The following OLFML2A variants were observed in gnomAD, a reference collection of about 807,000 sequenced individuals.
The protein encoded by OLFML2A is olfactomedin-like protein 2A.
A neutral mutation model predicts 60.9 loss-of-function variants in OLFML2A; 47 were observed. That is an observed-to-expected ratio of 0.77 (90% confidence interval 0.61 to 0.98). The LOEUF (loss-of-function observed/expected upper bound fraction) is 0.98, where lower values mean the gene tolerates loss of function less well. Ranked by LOEUF, OLFML2A falls within the 50% of genes least tolerant of loss-of-function variation. The probability of loss-of-function intolerance (pLI) is 0.00; values close to 1 mark genes in which losing one functional copy is unlikely to be tolerated. For missense variants in OLFML2A, 922 were observed against 879.8 expected (o/e 1.05, Z -0.61); for synonymous variants, 372 against 375.0 (o/e 0.99, Z 0.09).
At chr9:124,794,967 G>A in intron 2 of OLFML2A, 57 bp from the exon 3 acceptor site, 1 of 1,054,994 alleles carries the variant, frequency 9.5e-7, no homozygotes, top group Non-Finnish European at 1.4e-6. Context: ...TTTACCCTCT[G>A]TGTCTGGCCG....
At chr9:124,808,768 T>C (rs914255173) in intron 7 of OLFML2A, among the ~76,000 whole-genome samples, 2 of 149,544 alleles carry the variant, frequency 1.3e-5, no homozygotes, top group Admixed American at 1.3e-4. Flanking sequence ...TGGCCTGGGG[T>C]AGGGGGGATG....
At chr9:124,795,440 AATTCTGGGGGTACC>A (rs1841650893) in intron 3 of OLFML2A, among the ~76,000 whole-genome samples, 1 of 152,188 alleles carries the variant, frequency 6.6e-6, no homozygotes, top group Non-Finnish European at 1.5e-5. Flanking sequence ...CAGGACCCAC[AATTCTGGGGGTACC>A]ATTCGCACAA....
chr9:124,807,752 A>G (rs1056925583), intron 6 of OLFML2A, 29 bp from the exon 7 acceptor site: 4 of 1,585,132 alleles, frequency 2.5e-6, no homozygotes, highest in South Asian at 2.3e-5. Flanking sequence ...GGGTCTGTGT[A>G]CCGATGCTGC....
chr9:124,793,870 C>T (rs1227403325), intron 2 of OLFML2A, among the ~76,000 whole-genome samples: 2 of 152,144 alleles, frequency 1.3e-5, no homozygotes, highest in African/African-American at 4.8e-5. Flanking sequence ...AAGATCCCAT[C>T]TCTACAAAAC....
At position 124,810,147 on chromosome 9, in the gene OLFML2A, C is replaced by G. The variant is rs763016440; in HGVS notation, c.1694C>G (p.Thr565Arg). Reference protein sequence around the residue: ...PGDLSVHRETTWKTRLRRNSY... With the variant: ...PGDLSVHRETRWKTRLRRNSY... ...GATCTCTCCGTGCACCGGGAGACCA[C>G]GTGGAAGACACGGCTGCGGCGGAAC... is the stretch of plus-strand genomic sequence containing the variant. The change falls in exon 8 of 8, where the codon ACG becomes AGG. Residue 565 changes from threonine to arginine, a missense_variant. Transcript: ENST00000373580. The G allele has an allele frequency of 3.1e-6, 5 of 1,613,932 alleles. No homozygotes were observed. Among genetic ancestry groups the G allele is most frequent in the Middle Eastern group, 1.6e-4 (1 of 6,062 alleles).
chr9:124,789,865 C>G (rs1349537450), intron 2 of OLFML2A, among the ~76,000 whole-genome samples: 1 of 152,238 alleles, frequency 6.6e-6, no homozygotes, highest in African/African-American at 2.4e-5. Context: ...ATCACACTGT[C>G]TACATGGGTC....
rs1841285123 is a variant in OLFML2A at position 124,777,824 on chromosome 9, C to T, written c.90+464C>T. Among the ~76,000 whole-genome samples the T allele has an allele frequency of 6.6e-6, 1 of 152,164 alleles. No homozygotes were observed. On this transcript the variant is annotated intron_variant, in intron 1 of 7. Transcript: ENST00000373580. The surrounding 1 kb of genome is among the most constrained non-coding windows in gnomAD (Gnocchi z 6.2). ...CTCGCCTGGCCTCTGATGTTCTTGC[C>T]AGGGACCGGGTGCACCCCCTGGAGG...
At chr9:124,782,797 G>A (rs965099477) in intron 1 of OLFML2A, among the ~76,000 whole-genome samples, 1 of 152,216 alleles carries the variant, frequency 6.6e-6, no homozygotes, top group African/African-American at 2.4e-5. Flanking sequence ...ACGGTCCGAT[G>A]TGGAGGCAGC....
chr9:124,780,414 C>T (rs1841339717), intron 1 of OLFML2A, among the ~76,000 whole-genome samples: 1 of 152,162 alleles, frequency 6.6e-6, no homozygotes, highest in Admixed American at 6.5e-5. Context: ...AGAGGGAAGC[C>T]CAAAGGACTG....
chr9:124,783,880 A>G (rs1841407609), intron 1 of OLFML2A, among the ~76,000 whole-genome samples: 1 of 152,184 alleles, frequency 6.6e-6, no homozygotes, highest in Non-Finnish European at 1.5e-5. Context: ...AGTAAAGAAA[A>G]CCAAGTCACT....
In OLFML2A at chr9:124,799,350, G is replaced by A. The variant is rs767810549; in HGVS notation, c.528G>A (p.Glu176=). The change falls in exon 4 of 8, where the codon GAG becomes GAA. Residue 176 remains glutamate (E), a synonymous_variant. Transcript: ENST00000373580. ...VVKDSVRHLS[E]QLRHYENHSA... ...AGGACAGCGTGCGCCACCTCAGTGA[G>A]CAGTTGAGGCACTATGAGAATCACT... is the stretch of plus-strand genomic sequence containing the variant. 8 of 1,613,780 alleles carry A rather than the reference G, an allele frequency of 5.0e-6. No homozygotes were observed. Among genetic ancestry groups the A allele is most frequent in the Non-Finnish European group, 6.8e-6 (8 of 1,179,824 alleles).
chr9:124,785,783 T>C (rs916442381), intron 1 of OLFML2A, among the ~76,000 whole-genome samples: 1 of 152,118 alleles, frequency 6.6e-6, no homozygotes, highest in Non-Finnish European at 1.5e-5. Flanking sequence ...GTTTAACTTA[T>C]TGAGGAATCG....
intron 7 of OLFML2A, 99 bp downstream of exon 7, chr9:124,808,065 G>A (rs973789723): frequency 1.1e-6 from 1 of 890,190 alleles, no homozygotes. Context: ...GGTTTCTATG[G>A]TATAGGCTGG....
chr9:124,801,114 C>T (rs1445515256), intron 4 of OLFML2A: 3 of 1,477,634 alleles, frequency 2.0e-6, no homozygotes, highest in African/African-American at 2.8e-5. Flanking sequence ...GGAGCTGGTC[C>T]TTCTAGCCTG....
intron 2 of OLFML2A, among the ~76,000 whole-genome samples, chr9:124,790,389 G>A (rs1327211790): frequency 6.6e-6 from 1 of 152,000 alleles, no homozygotes; most frequent in Non-Finnish European, 1.5e-5. Flanking sequence ...TGGCCAGGCT[G>A]GTTTCAAACT....
chr9:124,789,649 G>A (rs1174046877), intron 2 of OLFML2A, among the ~76,000 whole-genome samples: 1 of 152,226 alleles, frequency 6.6e-6, no homozygotes, highest in Non-Finnish European at 1.5e-5. Flanking sequence ...GAGACAGTCA[G>A]TGCCTCTGCA....
chr9:124,777,312 G>T lies in OLFML2A; in HGVS notation c.42G>T (p.Leu14=). ...TCCCGCCCCGGCCGCTGCTCCTTCT[G>T]CCGCTAGTGCTGCTGCTGAGCGGCC... The part of the protein sequence containing the change: ...AALPPRPLLL[L]PLVLLLSGRP... Residue 14 remains leucine, a synonymous_variant, in exon 1 of 8, where the codon CTG becomes CTT. Transcript: ENST00000373580. The surrounding 1 kb of genome is among the most constrained non-coding windows in gnomAD (Gnocchi z 6.2). 2 of 1,293,810 alleles carry T rather than the reference G, an allele frequency of 1.5e-6. No individual in the cohort carries two copies. Among genetic ancestry groups the T allele is most frequent in the South Asian group, 4.7e-5 (2 of 42,224 alleles). The allele number at this position is 1,293,810 out of a possible 1,614,324, so 80.1% of individuals were successfully genotyped here.
rs376999151 is a variant in OLFML2A at position 124,782,121 on chromosome 9, G to T, written c.90+4761G>T. 5.3e-5 allele frequency among the ~76,000 whole-genome samples: 8 copies of T among 152,338 alleles called. No homozygotes were observed. The East Asian group carries it at 1.3e-3, about 26-fold the overall frequency. ...GGGCTGGGCCTAGTAGGAGCCTCAGGTTCTATGCCCCCCAGGGCCCCCTCT... is the reference window on the plus strand; with the variant it reads ...GGGCTGGGCCTAGTAGGAGCCTCAGTTTCTATGCCCCCCAGGGCCCCCTCT... On this transcript the variant is annotated intron_variant, in intron 1 of 7. Coordinates refer to ENST00000373580, the MANE Select transcript of OLFML2A (RefSeq NM_182487.4).
intron 1 of OLFML2A, among the ~76,000 whole-genome samples, chr9:124,780,144 C>G (rs935267808): frequency 6.6e-6 from 1 of 152,164 alleles, no homozygotes. Flanking sequence ...GGAGGGGGAC[C>G]CCACAGCTTC....
Sources: allele counts gnomAD v4.1 joint callset (sites outside exome capture counted in the v4.1 genomes callset), GRCh38; gene constraint gnomAD v4.1.1; non-coding constraint Gnocchi (gnomAD v3.1); transcripts MANE v1.5; gene names NCBI Gene and HGNC (gene_info 2026-07-23, HGNC 2026-07-21).